Variants in ME1 observed in about 807,000 individuals in gnomAD.
The protein encoded by ME1 is NADP-dependent malic enzyme.
A neutral mutation model predicts 66.4 loss-of-function variants in ME1; 74 were observed. The ratio of observed to expected loss-of-function variants is 1.11; its 90% CI spans 0.92 to 1.35. The LOEUF (loss-of-function observed/expected upper bound fraction) is 1.35. Among genes scored for constraint, ME1 ranks in the 40% most tolerant of loss-of-function variants. The pLI is 0.00. For missense variants in ME1, 750 were observed against 694.1 expected (o/e 1.08, Z -0.90); for synonymous variants, 251 against 235.6 (o/e 1.07, Z -0.60).
At chr6:83,241,312 A>AT (rs922252176) in intron 7 of ME1, among the ~76,000 whole-genome samples, 1 of 152,154 alleles carries the variant, frequency 6.6e-6, no homozygotes, top group African/African-American at 2.4e-5. Flanking sequence ...AGATTCTATG[A>AT]TTTTAAGGGT....
At chr6:83,420,265 A>C (rs147947263) in intron 1 of ME1, among the ~76,000 whole-genome samples, 103 of 152,186 alleles carry the variant, frequency 6.8e-4, no homozygotes, top group African/African-American at 2.3e-3. Context: ...ATGGAATTTC[A>C]CCATGTTGGC....
chr6:83,267,873 TATG>T (rs1268482208), intron 6 of ME1, among the ~76,000 whole-genome samples: 1 of 152,204 alleles, frequency 6.6e-6, no homozygotes, highest in Non-Finnish European at 1.5e-5. Context: ...AACACAGATA[TATG>T]ATATTTGATA....
chr6:83,298,395 C>T (rs776209586), intron 6 of ME1, among the ~76,000 whole-genome samples: 34 of 151,988 alleles, frequency 2.2e-4, no homozygotes, highest in African/African-American at 2.4e-5. Context: ...CCTTTGCCCA[C>T]TTTTTGATGG....
At chr6:83,356,082 T>A (rs1768883993) in intron 3 of ME1, among the ~76,000 whole-genome samples, 1 of 152,184 alleles carries the variant, frequency 6.6e-6, no homozygotes. Flanking sequence ...TTATCTCAGA[T>A]AATATCCCTA....
rs1441460296 is a variant in ME1 at position 83,211,544 on chromosome 6, T to C, written c.*380A>G. The C allele has an allele frequency of 1.3e-5, 2 of 151,912 alleles. No homozygotes were observed. The highest frequency in any genetic ancestry group is 4.9e-5 in the African/African-American group (2 of 40,760). The allele number at this position is 151,912 out of a possible 1,614,324, so 9.4% of individuals were successfully genotyped here. A position where few individuals can be genotyped will look rare whatever the true frequency, so the allele number is the denominator to read the frequency against. On this transcript the variant is annotated 3_prime_UTR_variant, in exon 14 of 14. Coordinates refer to ENST00000369705, the MANE Select transcript of ME1 (RefSeq NM_002395.6). ...TTTCTAGCTTTTTTTTTTTGAAAAGTAGATTTTAACAAAATGGTCAACAAA... is the reference window on the plus strand; with the variant it reads ...TTTCTAGCTTTTTTTTTTTGAAAAGCAGATTTTAACAAAATGGTCAACAAA...
intron 6 of ME1, among the ~76,000 whole-genome samples, chr6:83,309,191 A>T (rs909807475): frequency 4.6e-5 from 7 of 152,136 alleles, no homozygotes; most frequent in African/African-American, 1.4e-4. Context: ...TTACCTCAGA[A>T]CCATCACAGC....
chr6:83,230,144 G>T (rs1240475775), intron 9 of ME1, among the ~76,000 whole-genome samples: 23 of 147,182 alleles, frequency 1.6e-4, no homozygotes, highest in African/African-American at 3.7e-4. Context: ...TTTTGTTGTT[G>T]TTGTTGTTGT....
At chr6:83,362,871 A>G (rs753382490) in intron 3 of ME1, among the ~76,000 whole-genome samples, 1 of 152,246 alleles carries the variant, frequency 6.6e-6, no homozygotes, top group Non-Finnish European at 1.5e-5. Flanking sequence ...TTATGGCCAA[A>G]GAAGTGTGGC....
chr6:83,418,631 A>G (rs1181180633), intron 1 of ME1, among the ~76,000 whole-genome samples: 2 of 152,222 alleles, frequency 1.3e-5, no homozygotes, highest in African/African-American at 4.8e-5. Flanking sequence ...GCAAGTTGAC[A>G]GATAAAATTA....
chr6:83,223,009 T>C (rs975443850), intron 12 of ME1, among the ~76,000 whole-genome samples: 1 of 152,228 alleles, frequency 6.6e-6, no homozygotes, highest in Non-Finnish European at 1.5e-5. Context: ...GGGTGGTTTC[T>C]GTCTCCTGTA....
At chr6:83,362,465 C>A (rs184917384) in intron 3 of ME1, among the ~76,000 whole-genome samples, 45 of 152,340 alleles carry the variant, frequency 3.0e-4, no homozygotes, top group Middle Eastern at 3.4e-3. Flanking sequence ...CCTGTCATCA[C>A]CCAATGGGCC....
intron 7 of ME1, among the ~76,000 whole-genome samples, chr6:83,245,763 A>G (rs550308426): frequency 8.5e-5 from 13 of 152,244 alleles, no homozygotes; most frequent in Admixed American, 2.0e-4. Flanking sequence ...TAATAAAAAT[A>G]TTCAACAAAA....
At chr6:83,430,245 C>A (rs1770459911) in intron 1 of ME1, among the ~76,000 whole-genome samples, 1 of 152,158 alleles carries the variant, frequency 6.6e-6, no homozygotes, top group African/African-American at 2.4e-5. Context: ...TACCCACAGT[C>A]CCATGTCTGG....
At chr6:83,365,394 C>T (rs13197603) in intron 3 of ME1, among the ~76,000 whole-genome samples, 38,554 of 152,122 alleles carry the variant, frequency 0.25, 5,568 homozygotes, top group Middle Eastern at 0.46. Context: ...GTGCCTGGCC[C>T]TATGTGGGTG....
At chr6:83,309,421 G>A (rs1170177808) in intron 6 of ME1, among the ~76,000 whole-genome samples, 2 of 152,176 alleles carry the variant, frequency 1.3e-5, no homozygotes, top group Non-Finnish European at 2.9e-5. Context: ...ACTAAGTTTT[G>A]TAGGTGGCCT....
chr6:83,338,052 T>C (rs1364927577), intron 5 of ME1, among the ~76,000 whole-genome samples: 5 of 9,344 alleles, frequency 5.4e-4, no homozygotes, highest in Non-Finnish European at 8.4e-4. Flanking sequence ...ATGACATGAT[T>C]GTTTATCTAG....
At chr6:83,234,228 G>C (rs1351469995) in intron 9 of ME1, among the ~76,000 whole-genome samples, 1 of 152,066 alleles carries the variant, frequency 6.6e-6, no homozygotes. Flanking sequence ...AAACCACATA[G>C]ACTTCCACTT....
chr6:83,239,240 T>C (rs1790466949), intron 8 of ME1, among the ~76,000 whole-genome samples: 1 of 152,040 alleles, frequency 6.6e-6, no homozygotes, highest in African/African-American at 2.4e-5. Flanking sequence ...AGCTTGCATA[T>C]ATACACATAC....
chr6:83,392,644 T>C, intron 3 of ME1: 2 of 587,482 alleles, frequency 3.4e-6, no homozygotes, highest in Non-Finnish European at 6.5e-6. Context: ...CATCACTATT[T>C]TCCAGGGGCA....
Sources: gnomAD v4.1 joint callset for allele counts (sites outside exome capture counted in the v4.1 genomes callset) on GRCh38, gnomAD v4.1.1 for gene constraint, MANE v1.5 for transcripts, NCBI Gene and HGNC (gene_info 2026-07-23, HGNC 2026-07-21) for gene names.